Variants in CELF2 observed in about 807,000 individuals in gnomAD.
CELF2 encodes the protein CUGBP Elav-like family member 2, also known as CUG triplet repeat RNA-binding protein 2.
In CELF2, 8 loss-of-function variants were observed where a neutral mutation model predicts 62.6. The ratio of observed to expected loss-of-function variants is 0.13; its 90% CI spans 0.07 to 0.23. The LOEUF (loss-of-function observed/expected upper bound fraction) is 0.23. Ranked by LOEUF, CELF2 falls within the 10% of genes least tolerant of loss-of-function variation. The pLI, the probability that CELF2 is intolerant of heterozygous loss-of-function variation, is 1.00. For missense variants in CELF2, 333 were observed against 671.0 expected, an observed-to-expected ratio of 0.50 and a Z score of 5.56; for synonymous variants, 258 against 250.0, an observed-to-expected ratio of 1.03 and a Z score of -0.30.
chr10:10,691,054 G>C, the CELF2 span, among the ~76,000 whole-genome samples: 1 of 151,864 alleles, frequency 6.6e-6, no homozygotes, highest in African/African-American at 2.4e-5. Context: ...TGTGCACATT[G>C]TGCAGGTTAG....
At chr10:10,784,489 A>G in the CELF2 span, 1 of 152,354 alleles carries the variant, frequency 6.6e-6, no homozygotes, top group African/African-American at 2.4e-5. Context: ...TCTTGGTGAG[A>G]TGGATGGGGA....
chr10:10,991,684 A>G (rs1463738762), intron 2 of CELF2, among the ~76,000 whole-genome samples: 1 of 152,136 alleles, frequency 6.6e-6, no homozygotes, highest in Non-Finnish European at 1.5e-5. Flanking sequence ...TAATGTTGCT[A>G]CAGAAAGCCA....
chr10:11,107,559 C>G (rs778736669), intron 1 of CELF2, among the ~76,000 whole-genome samples: 2 of 152,038 alleles, frequency 1.3e-5, no homozygotes, highest in Non-Finnish European at 2.9e-5. Flanking sequence ...TTGACAAATA[C>G]TTGGGGATTG....
the CELF2 span, among the ~76,000 whole-genome samples, chr10:10,672,531 C>T: frequency 6.7e-5 from 10 of 150,196 alleles, no homozygotes; most frequent in Middle Eastern, 3.4e-3. Flanking sequence ...CTAGTTGGTC[C>T]GGCACAATTT....
chr10:11,087,088 C>T (rs1289015383), intron 1 of CELF2, among the ~76,000 whole-genome samples: 1 of 152,146 alleles, frequency 6.6e-6, no homozygotes, highest in African/African-American at 2.4e-5. Flanking sequence ...GGGAAGACTG[C>T]TCCCCAAAAT....
chr10:10,709,872 G>A, the CELF2 span, among the ~76,000 whole-genome samples: 1 of 152,220 alleles, frequency 6.6e-6, no homozygotes, highest in Non-Finnish European at 1.5e-5. Context: ...GGCTTGGTAT[G>A]TGAATACGTG....
At chr10:10,950,456 T>C (rs961357227) in intron 2 of CELF2, among the ~76,000 whole-genome samples, 1 of 152,192 alleles carries the variant, frequency 6.6e-6, no homozygotes, top group African/African-American at 2.4e-5. Context: ...TAGTGATAAC[T>C]GCAGGAGGAA....
At chr10:10,979,226 T>C (rs2051745933) in intron 2 of CELF2, among the ~76,000 whole-genome samples, 2 of 152,190 alleles carry the variant, frequency 1.3e-5, no homozygotes, top group African/African-American at 4.8e-5. Flanking sequence ...TTCTATTCTC[T>C]TGACGCCAGG....
the CELF2 span, among the ~76,000 whole-genome samples, chr10:10,691,599 T>G: frequency 2.4e-3 from 361 of 150,772 alleles, no homozygotes; most frequent in Non-Finnish European, 2.6e-3. Flanking sequence ...TCCACAATGG[T>G]TGAATCAGTT....
At chr10:11,238,484 T>A (rs2072440171) in intron 3 of CELF2, among the ~76,000 whole-genome samples, 1 of 152,202 alleles carries the variant, frequency 6.6e-6, no homozygotes, top group Non-Finnish European at 1.5e-5. Flanking sequence ...TAAAAACTAG[T>A]TTTGCTTTGT....
upstream of CELF2, among the ~76,000 whole-genome samples, chr10:11,015,323 A>G (rs1249621263): frequency 1.3e-5 from 2 of 152,172 alleles, no homozygotes; most frequent in Non-Finnish European, 2.9e-5. The surrounding 1 kb of genome is among the most constrained non-coding windows in gnomAD (Gnocchi z 4.8). Flanking sequence ...TATTTTTACA[A>G]ATGGCTTTTG....
At chr10:11,327,996 C>T (rs2095844616) in intron 12 of CELF2, among the ~76,000 whole-genome samples, 1 of 152,212 alleles carries the variant, frequency 6.6e-6, no homozygotes, top group Admixed American at 6.5e-5. Flanking sequence ...CTTGCTATAC[C>T]TCTGCTGCTG....
the CELF2 span, among the ~76,000 whole-genome samples, chr10:10,480,201 T>C: frequency 6.6e-6 from 1 of 152,296 alleles, no homozygotes; most frequent in South Asian, 2.1e-4. Flanking sequence ...TATAAAACAG[T>C]AAAGAGCGTT....
chr10:11,245,476 TG>T (rs1467375807), intron 3 of CELF2, among the ~76,000 whole-genome samples: 1 of 152,232 alleles, frequency 6.6e-6, no homozygotes, highest in African/African-American at 2.4e-5. Flanking sequence ...TGAAGTGGGG[TG>T]ACCATCTATT....
In CELF2 at chr10:11,260,413, A is replaced by G. The variant is rs983620401; in HGVS notation, c.538+2541A>G. Among the ~76,000 whole-genome samples, 53 of 152,230 alleles carry G rather than the reference A, an allele frequency of 3.5e-4. No homozygotes were observed. The highest frequency in any genetic ancestry group is 1.6e-4 in the Non-Finnish European group (11 of 68,040). On this transcript the variant is annotated intron_variant, in intron 5 of 12. Transcript: ENST00000633077. The surrounding 1 kb of genome is among the most constrained non-coding windows in gnomAD (Gnocchi z 4.2). ...AGCGTTCAGAGCTCCTTGAGCATAC[A>G]TCAGTTATTTCTGCAGATCAGGTTT...
the CELF2 span, among the ~76,000 whole-genome samples, chr10:10,745,446 TCTC>T: frequency 1.1e-3 from 173 of 152,322 alleles, 3 homozygotes; most frequent in African/African-American, 4.0e-3. Context: ...TCCAAATTCT[TCTC>T]TTCTTCCGCA....
At chr10:10,720,422 T>C in the CELF2 span, among the ~76,000 whole-genome samples, 11 of 152,160 alleles carry the variant, frequency 7.2e-5, no homozygotes, top group Non-Finnish European at 5.9e-5. Flanking sequence ...TGATTACATG[T>C]GATCACCTAT....
Position 11,291,254 on chromosome 10 carries a change from A to G in CELF2, c.976+2702A>G, listed in dbSNP as rs182742372. ...ATCTGGAAAGCAAAGGGACAATTCA[A>G]TCCCCCAAACTGTTAATTTTTTTAA... On this transcript the variant is annotated intron_variant, in intron 9 of 12. Coordinates refer to ENST00000633077, the MANE Select transcript of CELF2 (RefSeq NM_001326342.2). Among the ~76,000 whole-genome samples, 7 of 152,340 alleles carry G rather than the reference A, an allele frequency of 4.6e-5. No individual in the cohort carries two copies. The East Asian group carries it at 9.6e-4, about 21-fold the overall frequency.
At chr10:10,676,822 G>C in the CELF2 span, among the ~76,000 whole-genome samples, 4 of 152,090 alleles carry the variant, frequency 2.6e-5, no homozygotes, top group African/African-American at 9.7e-5. Flanking sequence ...TTGTTATTAG[G>C]GGGGAGTGAC....
Sources: gnomAD v4.1 joint callset for allele counts (sites outside exome capture counted in the v4.1 genomes callset) on GRCh38, gnomAD v4.1.1 for gene constraint, Gnocchi (gnomAD v3.1) non-coding constraint, MANE v1.5 for transcripts, NCBI Gene and HGNC (gene_info 2026-07-23, HGNC 2026-07-21) for gene names.